The following COL21A1 variants were observed in gnomAD, a reference collection of about 807,000 sequenced individuals.
COL21A1 encodes collagen type XXI alpha 1 chain.
In COL21A1, 149 loss-of-function variants were observed where a neutral mutation model predicts 137.9. The observed-to-expected ratio is 1.08, with a 90% CI of 0.95 to 1.24. The LOEUF is 1.24. COL21A1 is among the 50% of genes most tolerant of loss of function. The probability of loss-of-function intolerance (pLI) is 0.00; values close to 1 mark genes in which losing one functional copy is unlikely to be tolerated. For missense variants in COL21A1, 1,167 were observed against 1,158.4 expected (o/e 1.01, Z -0.11); for synonymous variants, 456 against 391.5 (o/e 1.16, Z -1.95).
At chr6:56,322,310 T>C (rs1264533509) in intron 1 of COL21A1, among the ~76,000 whole-genome samples, 1 of 152,106 alleles carries the variant, frequency 6.6e-6, no homozygotes, top group African/African-American at 2.4e-5. Context: ...TCTTCAAAAG[T>C]TGAAGAAATT....
Position 56,302,799 on chromosome 6 carries a change from T to C in COL21A1, c.-39+91172A>G, listed in dbSNP as rs906720024. 1.7e-3 allele frequency among the ~76,000 whole-genome samples: 265 copies of C among 151,868 alleles called. 1 individual carries two copies. Among genetic ancestry groups the C allele is most frequent in the Middle Eastern group, 3.4e-3 (1 of 294 alleles). On this transcript the variant is annotated intron_variant, in intron 1 of 28. Coordinates refer to the COL21A1 transcript ENST00000370819. Reference sequence around the variant, plus strand: ...TTTTGGTGTTTTAGACATGAAGTCCTTGCCCACACCTATGTCCTGAATGGT... The same window carrying C: ...TTTTGGTGTTTTAGACATGAAGTCCCTGCCCACACCTATGTCCTGAATGGT...
intron 1 of COL21A1, among the ~76,000 whole-genome samples, chr6:56,213,440 A>G (rs897953108): frequency 1.3e-5 from 2 of 152,026 alleles, no homozygotes; most frequent in African/African-American, 4.8e-5. Context: ...GTACTTGCCA[A>G]TGCTGGGCTG....
Position 56,373,774 on chromosome 6 carries a change from A to C in COL21A1, c.-39+20197T>G, listed in dbSNP as rs139326152. Among the ~76,000 whole-genome samples, 1,325 of 152,360 alleles carry C rather than the reference A, an allele frequency of 8.7e-3. 5 individuals are homozygous for C. The highest frequency in any genetic ancestry group is 0.017 in the South Asian group (80 of 4,830). On this transcript the variant is annotated intron_variant, in intron 1 of 28. Coordinates refer to the COL21A1 transcript ENST00000370819. ...GAAAACACTTCAAATCTACTGTCTT[A>C]GCAATTTTCAAGAATATAATACATT...
At chr6:56,209,118 T>C (rs1400232530) in intron 1 of COL21A1, among the ~76,000 whole-genome samples, 3 of 150,452 alleles carry the variant, frequency 2.0e-5, no homozygotes, top group Non-Finnish European at 4.5e-5. Context: ...GCATCTTATA[T>C]AAAAATTAAG....
intron 1 of COL21A1, among the ~76,000 whole-genome samples, chr6:56,379,392 G>C (rs1438785215): frequency 6.6e-6 from 1 of 152,098 alleles, no homozygotes; most frequent in Non-Finnish European, 1.5e-5. Context: ...AAAAAGGAGA[G>C]GCATCTGAAA....
chr6:56,058,427 C>T (rs145720945), intron 29 of COL21A1, among the ~76,000 whole-genome samples: 10 of 152,064 alleles, frequency 6.6e-5, no homozygotes, highest in Non-Finnish European at 4.4e-5. Context: ...GCTAGCTTAC[C>T]ATACTGGCCT....
chr6:56,371,736 C>T (rs1431404323), intron 1 of COL21A1, among the ~76,000 whole-genome samples: 1 of 152,126 alleles, frequency 6.6e-6, no homozygotes, highest in East Asian at 1.9e-4. Flanking sequence ...GAAGTGGGTA[C>T]CATTTTGGGT....
At chr6:56,057,873 CA>C in intron 29 of COL21A1, 29 bp from the exon 30 acceptor site, 1 of 1,447,720 alleles carries the variant, frequency 6.9e-7, no homozygotes, top group East Asian at 2.6e-5. Context: ...AAGACGTAAA[CA>C]GAGGACTTTA....
At chr6:56,089,645 G>A (rs1768603565) in intron 17 of COL21A1, among the ~76,000 whole-genome samples, 1 of 152,216 alleles carries the variant, frequency 6.6e-6, no homozygotes, top group African/African-American at 2.4e-5. Flanking sequence ...TTGATATCCT[G>A]TATACATGGT....
intron 1 of COL21A1, among the ~76,000 whole-genome samples, chr6:56,313,450 G>C (rs1424229887): frequency 6.6e-6 from 1 of 152,158 alleles, no homozygotes; most frequent in East Asian, 1.9e-4. Context: ...GTAAGTGCAA[G>C]ATCAGGGTGC....
At chr6:56,176,300 G>A (rs1383320836) in intron 3 of COL21A1, among the ~76,000 whole-genome samples, 1 of 151,798 alleles carries the variant, frequency 6.6e-6, no homozygotes, top group African/African-American at 2.4e-5. Flanking sequence ...AAGCTTCTGT[G>A]CAGCAAAGGA....
intron 1 of COL21A1, among the ~76,000 whole-genome samples, chr6:56,277,937 T>G (rs1763705819): frequency 6.6e-6 from 1 of 152,230 alleles, no homozygotes. Flanking sequence ...TTGTTAATTC[T>G]CATATGTTTT....
chr6:56,163,087 A>G (rs141584134), intron 9 of COL21A1, among the ~76,000 whole-genome samples: 1 of 152,216 alleles, frequency 6.6e-6, no homozygotes, highest in Non-Finnish European at 1.5e-5. Context: ...AAACATACAT[A>G]AAAGATAGAA....
chr6:56,288,485 A>T (rs1326742581), intron 1 of COL21A1, among the ~76,000 whole-genome samples: 6 of 152,234 alleles, frequency 3.9e-5, no homozygotes, highest in African/African-American at 1.4e-4. Context: ...TGCTCAAGAG[A>T]TGAATAAATT....
At chr6:56,361,633 GTAA>G (rs1765967476) in intron 1 of COL21A1, among the ~76,000 whole-genome samples, 2 of 152,068 alleles carry the variant, frequency 1.3e-5, no homozygotes, top group Non-Finnish European at 2.9e-5. Context: ...CACCAAAATG[GTAA>G]TAATAGGAAA....
chr6:56,363,851 T>C (rs1766033159), intron 1 of COL21A1, among the ~76,000 whole-genome samples: 1 of 152,190 alleles, frequency 6.6e-6, no homozygotes, highest in Non-Finnish European at 1.5e-5. Flanking sequence ...TTCAGAAATC[T>C]GAGAACCTCT....
chr6:56,343,077 C>G (rs972207556), intron 1 of COL21A1, among the ~76,000 whole-genome samples: 17 of 152,162 alleles, frequency 1.1e-4, no homozygotes, highest in African/African-American at 3.9e-4. Context: ...GATTATTTCT[C>G]AAGACAGTCC....
intron 1 of COL21A1, among the ~76,000 whole-genome samples, chr6:56,310,229 A>G (rs1050701465): frequency 3.3e-5 from 5 of 152,174 alleles, no homozygotes; most frequent in African/African-American, 1.2e-4. Flanking sequence ...ATTCCTGCAG[A>G]TACAGCCTGG....
chr6:56,097,296 T>A (rs1769415348), intron 17 of COL21A1, among the ~76,000 whole-genome samples: 1 of 152,106 alleles, frequency 6.6e-6, no homozygotes, highest in African/African-American at 2.4e-5. Flanking sequence ...TTTTACCCAC[T>A]AGATTTAGGA....
Sources: gnomAD v4.1 joint callset for allele counts (sites outside exome capture counted in the v4.1 genomes callset) on GRCh38, gnomAD v4.1.1 for gene constraint, MANE v1.5 for transcripts, NCBI Gene and HGNC (gene_info 2026-07-23, HGNC 2026-07-21) for gene names.